The following MARVELD3 variants were observed in gnomAD, a reference collection of about 807,000 sequenced individuals.
The protein encoded by MARVELD3 is MARVEL domain-containing protein 3.
MARVELD3 carries 28 observed loss-of-function variants against 33.5 expected under a neutral mutation model. That is an observed-to-expected ratio of 0.84 (90% CI 0.62 to 1.15). The LOEUF (loss-of-function observed/expected upper bound fraction) is 1.15. Among genes scored for constraint, MARVELD3 ranks in the 50% most tolerant of loss-of-function variants. The pLI, the probability that MARVELD3 is intolerant of heterozygous loss-of-function variation, is 0.00. For synonymous variants in MARVELD3, 241 were observed against 230.4 expected, an observed-to-expected ratio of 1.05 and a Z score of -0.42; for missense variants, 582 against 547.6, an observed-to-expected ratio of 1.06 and a Z score of -0.63.
At chr16:71,640,996 C>T (rs1348800178), downstream of MARVELD3, 3 of 1,611,116 alleles carry the variant, frequency 1.9e-6, no homozygotes, top group Admixed American at 1.7e-5. Context: ...TACAGTGATG[C>T]ACCGGAATAT....
At position 71,635,408 on chromosome 16, in the gene MARVELD3, A is replaced by T; in HGVS notation, c.*605A>T. Reference sequence around the variant, plus strand: ...GTACTACAACAGAGTGCACCTCTTCATTCAGTAAAGGGAGGTCACCAAGAG... The same window carrying T: ...GTACTACAACAGAGTGCACCTCTTCTTTCAGTAAAGGGAGGTCACCAAGAG... On this transcript the variant is annotated 3_prime_UTR_variant, in exon 3 of 3. Transcript: ENST00000268485. 1 of 984,870 alleles carries T rather than the reference A, an allele frequency of 1.0e-6. No individual in the cohort carries two copies. The highest frequency in any genetic ancestry group is 1.2e-6 in the Non-Finnish European group (1 of 829,906). 61.0% of individuals were successfully genotyped at this position (984,870 alleles called of 1,614,324 possible).
At chr16:71,631,884 T>G (rs1597075964) in intron 2 of MARVELD3, among the ~76,000 whole-genome samples, 1 of 152,312 alleles carries the variant, frequency 6.6e-6, no homozygotes, top group Non-Finnish European at 1.5e-5. Flanking sequence ...CATCATTTCA[T>G]TTAGACAATG....
intron 2 of MARVELD3, among the ~76,000 whole-genome samples, chr16:71,631,037 G>T (rs2044527759): frequency 6.6e-6 from 1 of 152,190 alleles, no homozygotes; most frequent in Non-Finnish European, 1.5e-5. Flanking sequence ...ATGACTAAGG[G>T]AGAAAACGTT....
chr16:71,626,416 C>T lies in MARVELD3; in HGVS notation c.187C>T (p.Gln63Ter). The T allele has an allele frequency of 6.5e-7, 1 of 1,546,570 alleles. No individual in the cohort carries two copies. Among genetic ancestry groups the T allele is most frequent in the Non-Finnish European group, 8.7e-7 (1 of 1,145,048 alleles). ...RDGDRDPERD[Q>*]ERDGNRDRNR... ...CGGGGACCGGGACCCGGAGAGAGAC[C>T]AGGAGAGGGACGGGAACCGCGACCG... Residue 63 changes from glutamine to a stop codon, truncating the protein, a stop_gained, in exon 1 of 3, where the codon CAG becomes TAG. Coordinates refer to ENST00000268485, the MANE Select transcript of MARVELD3 (RefSeq NM_052858.6). LOFTEE classifies it high-confidence loss of function. This position sits in a 1 kb window ranked among gnomAD's most constrained non-coding sequence, Gnocchi z 5.3.
intron 2 of MARVELD3, among the ~76,000 whole-genome samples, chr16:71,631,498 C>T (rs987915656): frequency 6.6e-6 from 1 of 151,730 alleles, no homozygotes. Flanking sequence ...GGCTGGAGTG[C>T]AGTGGCATGA....
rs1407141860 is a variant in MARVELD3, at chr16:71,626,706, G to T, written c.467+10G>T. On this transcript the variant is annotated intron_variant, in intron 1 of 2. Transcript: ENST00000268485. The surrounding 1 kb of genome is among the most constrained non-coding windows in gnomAD (Gnocchi z 5.3). ...GCCGCAGACCCGAAAGGTGAGAGGG[G>T]CCGGGGCGCTGCGACCTCCGCGCCG... The T allele has an allele frequency of 2.1e-6, 3 of 1,443,800 alleles. No homozygotes were observed. Among genetic ancestry groups the T allele is most frequent in the Non-Finnish European group, 2.7e-6 (3 of 1,106,250 alleles). The allele number at this position is 1,443,800 out of a possible 1,614,324, so 89.4% of individuals were successfully genotyped here.
Position 71,626,520 on chromosome 16 carries a change from G to A in MARVELD3, c.291G>A (p.Ala97=). Residue 97 remains alanine, a synonymous_variant, in exon 1 of 3, where the codon GCG becomes GCA. Transcript: ENST00000268485. The surrounding 1 kb of genome is among the most constrained non-coding windows in gnomAD (Gnocchi z 5.3). ...RGPRRDTHRD[A]GPRAGEHGVW... Reference sequence around the variant, plus strand: ...CCCGCCGGGACACACACAGGGACGCGGGCCCTCGCGCAGGTGAACACGGAG... The same window carrying A: ...CCCGCCGGGACACACACAGGGACGCAGGCCCTCGCGCAGGTGAACACGGAG... The A allele has an allele frequency of 6.5e-7, 1 of 1,549,714 alleles. No homozygotes were observed. The highest frequency in any genetic ancestry group is 1.2e-5 in the South Asian group (1 of 84,048).
intron 2 of MARVELD3, among the ~76,000 whole-genome samples, chr16:71,633,278 C>G (rs2044549926): frequency 6.6e-6 from 1 of 152,070 alleles, no homozygotes; most frequent in African/African-American, 2.4e-5. Flanking sequence ...AGGATGATTG[C>G]TTGAGCCTGG....
chr16:71,632,148 G>A (rs2044539760), intron 2 of MARVELD3, among the ~76,000 whole-genome samples: 1 of 152,204 alleles, frequency 6.6e-6, no homozygotes, highest in South Asian at 2.1e-4. Context: ...ACACAAGGCA[G>A]AACTAGTTTC....
Position 71,632,588 on chromosome 16 carries a change from CTTTT to C in MARVELD3, c.596-1597_596-1594del, listed in dbSNP as rs57497312. Among the ~76,000 whole-genome samples, 9 of 146,646 alleles carry C rather than the reference CTTTT, an allele frequency of 6.1e-5. No homozygotes were observed. The East Asian group carries it at 1.6e-3, about 26-fold the overall frequency. On this transcript the variant is annotated intron_variant, in intron 2 of 2. Transcript: ENST00000268485. ...TTAATTAACTTAATTTTTCCTATTT[CTTTT>C]TTTTTTTATTTTTTATTTATTTATT...
chr16:71,630,263 G>A (rs764305883), intron 2 of MARVELD3, among the ~76,000 whole-genome samples: 3 of 151,436 alleles, frequency 2.0e-5, no homozygotes, highest in Admixed American at 6.6e-5. Flanking sequence ...CAGAGATCAC[G>A]TCACTGCACT....
intron 2 of MARVELD3, among the ~76,000 whole-genome samples, chr16:71,630,228 C>T (rs969867792): frequency 2.0e-5 from 3 of 148,366 alleles, no homozygotes; most frequent in African/African-American, 5.0e-5. Context: ...ATTGCTTGAA[C>T]CTGGGAGGAG....
At chr16:71,631,117 A>G (rs1202207745) in intron 2 of MARVELD3, among the ~76,000 whole-genome samples, 1 of 152,264 alleles carries the variant, frequency 6.6e-6, no homozygotes, top group African/African-American at 2.4e-5. Flanking sequence ...CCAAAGATGC[A>G]TATGATTATA....
downstream of MARVELD3, chr16:71,639,389 CTCA>C (rs992784763): frequency 1.3e-5 from 2 of 149,342 alleles, no homozygotes; most frequent in Non-Finnish European, 3.0e-5. Flanking sequence ...TTCTTTTTCA[CTCA>C]TCATAATTCC....
At chr16:71,629,235 T>G in intron 1 of MARVELD3, 132 bp from the exon 2 acceptor site, 2 of 1,101,904 alleles carry the variant, frequency 1.8e-6, no homozygotes, top group Non-Finnish European at 1.2e-6. Flanking sequence ...TTCTCTGGAG[T>G]TTAAAATACC....
chr16:71,634,313 A>G lies in MARVELD3; in HGVS notation c.716A>G (p.Gln239Arg), dbSNP rs763303162. 4.3e-6 allele frequency: 7 copies of G among 1,614,204 alleles called. No individual in the cohort carries two copies. In the South Asian group the frequency reaches 7.7e-5, roughly 18 times the overall value. The change falls in exon 3 of 3, where the codon CAG becomes CGG. Residue 239 changes from glutamine to arginine, a missense_variant. Coordinates refer to ENST00000268485, the MANE Select transcript of MARVELD3 (RefSeq NM_052858.6). ...ITSLGGIYYYQFGGAYSGFDG... is the reference protein window; with the variant it reads ...ITSLGGIYYYRFGGAYSGFDG... ...AGCTTGGGGGGCATTTACTACTATC[A>G]GTTCGGAGGGGCTTACAGTGGCTTT...
In MARVELD3 at chr16:71,626,643, G is replaced by C. The variant is rs1253356074; in HGVS notation, c.414G>C (p.Pro138=). ...APPGPAPWEA[P]EPPQPQRKGD... is the part of the protein sequence containing the mutation. ...CTGGGCCCGCGCCCTGGGAAGCCCC[G>C]GAGCCGCCGCAGCCGCAGAGGAAGG... is the stretch of plus-strand genomic sequence containing the variant. Residue 138 remains proline, a synonymous_variant, in exon 1 of 3, where the codon CCG becomes CCC. Transcript: ENST00000268485. The surrounding 1 kb of genome is among the most constrained non-coding windows in gnomAD (Gnocchi z 5.3). The C allele has an allele frequency of 6.5e-7, 1 of 1,535,176 alleles. No homozygotes were observed. The highest frequency in any genetic ancestry group is 8.7e-7 in the Non-Finnish European group (1 of 1,143,840).
At chr16:71,641,177 G>T (rs1596979728), downstream of MARVELD3, 1 of 1,002,906 alleles carries the variant, frequency 1.0e-6, no homozygotes, top group South Asian at 1.7e-5. Context: ...TTGAGGACGG[G>T]CATGGTGGCT....
At position 71,636,043 on chromosome 16, in the gene MARVELD3, A is replaced by C; in HGVS notation, c.*1240A>C. The C allele has an allele frequency of 1.0e-6, 1 of 985,426 alleles. No individual in the cohort carries two copies. Among genetic ancestry groups the C allele is most frequent in the Non-Finnish European group, 1.2e-6 (1 of 829,932 alleles). The allele number at this position is 985,426 out of a possible 1,614,324, so 61.0% of individuals were successfully genotyped here. ...GAAGAGTGTTACTTTTGGTCAGACAACTTCATGGGTTCTTACTGCACATTA... is the reference window on the plus strand; with the variant it reads ...GAAGAGTGTTACTTTTGGTCAGACACCTTCATGGGTTCTTACTGCACATTA... On this transcript the variant is annotated 3_prime_UTR_variant, in exon 3 of 3. Coordinates refer to ENST00000268485, the MANE Select transcript of MARVELD3 (RefSeq NM_052858.6).
Sources: gnomAD v4.1 joint callset for allele counts (sites outside exome capture counted in the v4.1 genomes callset) on GRCh38, gnomAD v4.1.1 for gene constraint, Gnocchi (gnomAD v3.1) non-coding constraint, MANE v1.5 for transcripts, NCBI Gene and HGNC (gene_info 2026-07-23, HGNC 2026-07-21) for gene names.